Variants in CFAP299 observed in about 807,000 individuals in gnomAD.
CFAP299 encodes cilia and flagella associated protein 299, also known as cilia- and flagella-associated protein 299.
In CFAP299, 21 loss-of-function variants were observed where a neutral mutation model predicts 27.0. That is an observed-to-expected ratio of 0.78 (90% CI 0.55 to 1.12). CFAP299 has a LOEUF of 1.12. Among genes scored for constraint, CFAP299 ranks in the 50% most tolerant of loss-of-function variants. The probability of loss-of-function intolerance (pLI) is 0.00; values close to 1 mark genes in which losing one functional copy is unlikely to be tolerated. For missense variants in CFAP299, 310 were observed against 276.6 expected (o/e 1.12, Z -0.86); for synonymous variants, 104 against 98.1 (o/e 1.06, Z -0.36).
In CFAP299 at chr4:80,596,453, CT is replaced by C. The variant is rs1737067688; in HGVS notation, c.333+13273del. Among the ~76,000 whole-genome samples the C allele has an allele frequency of 3.9e-5, 6 of 152,166 alleles. No individual in the cohort carries two copies. The South Asian group carries it at 1.2e-3, about 32-fold the overall frequency. ...GCCCCACTGTGATTTTTTAAGATAGCTTTCACATTTTCTTTTAAATATTTAG... is the reference window on the plus strand; with the variant it reads ...GCCCCACTGTGATTTTTTAAGATAGCTTCACATTTTCTTTTAAATATTTAG... On this transcript the variant is annotated intron_variant, in intron 3 of 5. Coordinates refer to ENST00000358105, the MANE Select transcript of CFAP299 (RefSeq NM_152770.3).
intron 2 of CFAP299, among the ~76,000 whole-genome samples, chr4:80,411,977 G>A (rs1726742353): frequency 6.6e-6 from 1 of 152,044 alleles, no homozygotes; most frequent in African/African-American, 2.4e-5. Context: ...CTTTGCATGT[G>A]TTGTTTCTTC....
chr4:80,490,090 G>T (rs1019694012), intron 2 of CFAP299, among the ~76,000 whole-genome samples: 21 of 152,196 alleles, frequency 1.4e-4, no homozygotes, highest in Non-Finnish European at 3.1e-4. Flanking sequence ...TGACCAGCCA[G>T]CTGCTTCAGA....
At chr4:80,676,335 A>G (rs912288719) in intron 3 of CFAP299, among the ~76,000 whole-genome samples, 1 of 152,092 alleles carries the variant, frequency 6.6e-6, no homozygotes, top group Non-Finnish European at 1.5e-5. Context: ...TCTTTTTAAC[A>G]TGTTGTATTT....
At chr4:80,366,889 T>C (rs1006492717) in intron 2 of CFAP299, among the ~76,000 whole-genome samples, 2 of 152,044 alleles carry the variant, frequency 1.3e-5, no homozygotes, top group African/African-American at 2.4e-5. Context: ...AGGTATAAAG[T>C]AGTGTTACAT....
intron 2 of CFAP299, among the ~76,000 whole-genome samples, chr4:80,437,419 C>G (rs557082128): frequency 1.4e-4 from 21 of 152,264 alleles, no homozygotes; most frequent in African/African-American, 5.1e-4. Context: ...TTATTATTCA[C>G]AGAAATAGCA....
chr4:80,823,920 G>T (rs907815020), intron 3 of CFAP299, among the ~76,000 whole-genome samples: 2 of 152,054 alleles, frequency 1.3e-5, no homozygotes, highest in African/African-American at 4.8e-5. Context: ...GTAAGGGTTT[G>T]CTATAATTTT....
chr4:80,536,440 C>T (rs1235024238), intron 2 of CFAP299, among the ~76,000 whole-genome samples: 1 of 152,062 alleles, frequency 6.6e-6, no homozygotes, highest in Non-Finnish European at 1.5e-5. Context: ...AAGCTGGAGG[C>T]GTCACATTAC....
rs566100454 is a variant in CFAP299, at chr4:80,467,192, C to T, written c.242+104308C>T. Among the ~76,000 whole-genome samples the T allele has an allele frequency of 3.9e-5, 6 of 152,250 alleles. No homozygotes were observed. The South Asian group carries it at 1.2e-3, about 32-fold the overall frequency. On this transcript the variant is annotated intron_variant, in intron 2 of 5. Transcript: ENST00000358105. ...TCTCATATTTGTTGTCTGCTAGCAG[C>T]TTGAAATTGGTCAAGGTGAAAGTAT...
At chr4:80,790,674 A>G (rs1340665700) in intron 3 of CFAP299, among the ~76,000 whole-genome samples, 2 of 152,038 alleles carry the variant, frequency 1.3e-5, no homozygotes, top group Non-Finnish European at 2.9e-5. Context: ...TGATCTTGGA[A>G]TTCCAGCCCC....
chr4:80,347,351 T>G (rs1722784294), intron 1 of CFAP299, among the ~76,000 whole-genome samples: 1 of 152,126 alleles, frequency 6.6e-6, no homozygotes, highest in African/African-American at 2.4e-5. Context: ...TGTCTTGTGC[T>G]GATTTTTAAA....
At chr4:80,944,091 T>C (rs1008626211) in intron 4 of CFAP299, among the ~76,000 whole-genome samples, 8 of 150,394 alleles carry the variant, frequency 5.3e-5, no homozygotes, top group African/African-American at 1.9e-4. Context: ...AATAAATAAA[T>C]AAATAAATAA....
intron 3 of CFAP299, among the ~76,000 whole-genome samples, chr4:80,607,374 G>A (rs1342262396): frequency 6.6e-6 from 1 of 150,950 alleles, no homozygotes; most frequent in East Asian, 2.0e-4. Flanking sequence ...ATATCGAGAT[G>A]CTCTGCCTTT....
chr4:80,506,886 G>C (rs1560599726), intron 2 of CFAP299, among the ~76,000 whole-genome samples: 2 of 152,108 alleles, frequency 1.3e-5, no homozygotes, highest in African/African-American at 4.8e-5. Context: ...TATGAATAAA[G>C]AAAACAAAAA....
At chr4:80,736,690 T>C (rs1328819860) in intron 3 of CFAP299, among the ~76,000 whole-genome samples, 4 of 152,078 alleles carry the variant, frequency 2.6e-5, no homozygotes, top group Non-Finnish European at 5.9e-5. Flanking sequence ...TGTGGAGAAA[T>C]AGGAACACTT....
intron 2 of CFAP299, among the ~76,000 whole-genome samples, chr4:80,569,404 T>C (rs964359971): frequency 6.6e-6 from 1 of 152,126 alleles, no homozygotes; most frequent in Non-Finnish European, 1.5e-5. Context: ...TGTTTAAAAA[T>C]ATTCTAGATA....
chr4:80,650,209 C>T (rs1740215519), intron 3 of CFAP299, among the ~76,000 whole-genome samples: 1 of 151,554 alleles, frequency 6.6e-6, no homozygotes, highest in African/African-American at 2.4e-5. Flanking sequence ...ACTTTTTGTG[C>T]ATTGAGAAAC....
intron 4 of CFAP299, among the ~76,000 whole-genome samples, chr4:80,916,920 C>T (rs1184930888): frequency 2.6e-5 from 4 of 151,686 alleles, no homozygotes; most frequent in East Asian, 1.9e-4. Context: ...ATAGGGAGTC[C>T]GACAAGGTAT....
chr4:80,553,237 A>G (rs1446128286), intron 2 of CFAP299, among the ~76,000 whole-genome samples: 1 of 152,170 alleles, frequency 6.6e-6, no homozygotes. Flanking sequence ...AAATGAGAAC[A>G]TGCAGTATTT....
At chr4:80,327,750 T>TATAACTTCAATACA in the CFAP299 span, among the ~76,000 whole-genome samples, 5 of 144,608 alleles carry the variant, frequency 3.5e-5, no homozygotes, top group South Asian at 2.3e-4. Flanking sequence ...TATATATATG[T>TATAACTTCAATACA]TGAGAAAGCT....
Sources: gnomAD v4.1 joint callset for allele counts (sites outside exome capture counted in the v4.1 genomes callset) on GRCh38, gnomAD v4.1.1 for gene constraint, MANE v1.5 for transcripts, NCBI Gene and HGNC (gene_info 2026-07-23, HGNC 2026-07-21) for gene names.